The following ZFR variants were observed in gnomAD, a reference collection of about 807,000 sequenced individuals.
The protein encoded by ZFR is zinc finger RNA-binding protein.
ZFR carries 19 observed loss-of-function variants against 130.7 expected under a neutral mutation model. The observed-to-expected ratio is 0.15, with a 90% confidence interval of 0.10 to 0.21. The LOEUF is 0.21. Ranked by LOEUF, ZFR falls within the 10% of genes least tolerant of loss-of-function variation. The pLI, the probability that ZFR is intolerant of heterozygous loss-of-function variation, is 1.00. For missense variants in ZFR, 872 were observed against 1,321.5 expected, an observed-to-expected ratio of 0.66 and a Z score of 5.27; for synonymous variants, 466 against 456.9, an observed-to-expected ratio of 1.02 and a Z score of -0.25.
Position 32,417,757 on chromosome 5 carries a change from A to G in ZFR, c.456T>C (p.Ala152=). 1.2e-6 allele frequency: 2 copies of G among 1,614,026 alleles called. No homozygotes were observed. Among genetic ancestry groups the G allele is most frequent in the Non-Finnish European group, 1.7e-6 (2 of 1,179,896 alleles). ...SYSYVRSTAP[A]VAYDSKQYYQ... ...AGTATTGCTTACTATCATAAGCTAC[A>G]GCAGGAGCTGTGGACCTTACATATG... Residue 152 remains alanine, a synonymous_variant, in exon 4 of 20, where the codon GCT becomes GCC. Transcript: ENST00000265069.
At chr5:32,391,101 G>T (rs907645622) in intron 11 of ZFR, among the ~76,000 whole-genome samples, 1 of 152,158 alleles carries the variant, frequency 6.6e-6, no homozygotes, top group African/African-American at 2.4e-5. Flanking sequence ...GAAACAATTC[G>T]TAAGTTTTAA....
chr5:32,370,506 GGGACTACA>G (rs906211133), intron 17 of ZFR, among the ~76,000 whole-genome samples: 86 of 152,154 alleles, frequency 5.7e-4, no homozygotes, highest in African/African-American at 2.0e-3. Flanking sequence ...CTGAGTAGCT[GGGACTACA>G]GGTGTGCGCC....
chr5:32,397,309 C>T lies in ZFR; in HGVS notation c.1743G>A (p.Arg581=). ...EVRNDEGKVI[R]FHCKLCECSF... is the part of the protein sequence containing the mutation. ...TGCACTCGCATAATTTACAATGGAA[C>T]CGAATTACTTTTCCTTCATCATTTC... The change falls in exon 10 of 20, where the codon CGG becomes CGA. Residue 581 remains arginine (R), a synonymous_variant. Coordinates refer to ENST00000265069, the MANE Select transcript of ZFR (RefSeq NM_016107.5). 6.2e-7 allele frequency: 1 copy of T among 1,612,894 alleles called. No homozygotes were observed. Among genetic ancestry groups the T allele is most frequent in the African/African-American group, 1.3e-5 (1 of 75,006 alleles).
chr5:32,390,103 C>T (rs1347590703), intron 12 of ZFR, among the ~76,000 whole-genome samples, 172 bp downstream of exon 12: 1 of 152,048 alleles, frequency 6.6e-6, no homozygotes, highest in African/African-American at 2.4e-5. Flanking sequence ...TGCAGTGAGC[C>T]GAGATCACGC....
intron 14 of ZFR, 41 bp from the exon 15 acceptor site, chr5:32,385,690 T>C (rs374120658): frequency 5.0e-6 from 8 of 1,605,234 alleles, no homozygotes; most frequent in Admixed American, 1.7e-5. Context: ...GGATCTGTTG[T>C]ATTAACAAAC....
At chr5:32,388,785 C>G (rs1457222487) in intron 12 of ZFR, 111 bp from the exon 13 acceptor site, 1 of 1,025,226 alleles carries the variant, frequency 9.8e-7, no homozygotes, top group Non-Finnish European at 1.4e-6. Context: ...AAGCCTTTAT[C>G]TTCTTTTTTC....
chr5:32,418,038 A>C (rs923907058), intron 3 of ZFR, among the ~76,000 whole-genome samples: 1 of 152,164 alleles, frequency 6.6e-6, no homozygotes, highest in Non-Finnish European at 1.5e-5. Flanking sequence ...AGCCGGGCGG[A>C]TCATGAGGTA....
chr5:32,439,113 G>A (rs934826420), intron 2 of ZFR, among the ~76,000 whole-genome samples: 1 of 152,194 alleles, frequency 6.6e-6, no homozygotes, highest in Non-Finnish European at 1.5e-5. Flanking sequence ...TTTATCATCA[G>A]TGTAATAGCA....
Position 32,404,119 on chromosome 5 carries a change from C to T in ZFR, c.1033-22G>A, listed in dbSNP as rs965744671. ...AAGTCTGTTTCAAATAAAAAGGAAACATTTTGCTTCACTAATTTTCTTTAC... is the reference window on the plus strand; with the variant it reads ...AAGTCTGTTTCAAATAAAAAGGAAATATTTTGCTTCACTAATTTTCTTTAC... On this transcript the variant is annotated intron_variant, in intron 6 of 19. Transcript: ENST00000265069. 3.2e-6 allele frequency: 5 copies of T among 1,557,938 alleles called. No homozygotes were observed. In the African/African-American group the frequency reaches 5.5e-5, roughly 17 times the overall value.
chr5:32,395,346 A>T, intron 10 of ZFR, 42 bp from the exon 11 acceptor site: 1 of 1,398,602 alleles, frequency 7.2e-7, no homozygotes. Flanking sequence ...GCAGCCCCAA[A>T]ACAATCTACA....
intron 2 of ZFR, among the ~76,000 whole-genome samples, chr5:32,433,976 G>A (rs1286324177): frequency 2.0e-5 from 3 of 152,214 alleles, no homozygotes; most frequent in African/African-American, 7.2e-5. Flanking sequence ...GGCTGAGGAG[G>A]GAGGATCACC....
chr5:32,438,208 A>G (rs1331198884), intron 2 of ZFR, among the ~76,000 whole-genome samples: 1 of 150,618 alleles, frequency 6.6e-6, no homozygotes, highest in African/African-American at 2.4e-5. Flanking sequence ...TTAATAATCT[A>G]ATTCAATATT....
chr5:32,429,290 C>A (rs1219347822), intron 2 of ZFR, among the ~76,000 whole-genome samples: 1 of 152,156 alleles, frequency 6.6e-6, no homozygotes, highest in African/African-American at 2.4e-5. Flanking sequence ...CTGGCCTCTT[C>A]TTCCATCTTT....
chr5:32,438,857 A>G (rs925208122), intron 2 of ZFR, among the ~76,000 whole-genome samples: 2 of 152,218 alleles, frequency 1.3e-5, no homozygotes, highest in African/African-American at 4.8e-5. Context: ...GCACTAGGCT[A>G]GAAAATTTTA....
rs1197431353 is a variant in ZFR, at chr5:32,403,925, C to T, written c.1205G>A (p.Arg402His). The change falls in exon 7 of 20, where the codon CGT becomes CAT. Residue 402 changes from arginine (R) to histidine (H), a missense_variant. This residue lies in a region of ZFR where 21 missense variants were observed against 54.4 expected (regional missense o/e 0.39). Transcript: ENST00000265069. The part of the protein sequence containing the change: ...TGADAYAAHI[R>H]GAKHQKVVKL... ...ACCTACTTTCTGATGCTTAGCACCA[C>T]GAATGTGGGCAGCATACGCATCTGC... 6.3e-7 allele frequency: 1 copy of T among 1,587,666 alleles called. No individual in the cohort carries two copies. The highest frequency in any genetic ancestry group is 1.8e-5 in the Admixed American group (1 of 56,190).
chr5:32,368,363 G>A (rs1042318222), intron 17 of ZFR, among the ~76,000 whole-genome samples: 2 of 152,198 alleles, frequency 1.3e-5, no homozygotes, highest in African/African-American at 4.8e-5. Context: ...CGCCTCCCAA[G>A]TAGCTGGGAT....
chr5:32,425,919 A>G (rs980677997), intron 2 of ZFR, among the ~76,000 whole-genome samples: 1 of 152,200 alleles, frequency 6.6e-6, no homozygotes, highest in African/African-American at 2.4e-5. Context: ...CTGAAACCCA[A>G]AAGTTTGAGA....
chr5:32,431,886 T>C (rs946292412), intron 2 of ZFR, among the ~76,000 whole-genome samples: 2 of 152,084 alleles, frequency 1.3e-5, no homozygotes, highest in Non-Finnish European at 2.9e-5. Flanking sequence ...TCCCAGTAAG[T>C]GCAGTGGCAA....
chr5:32,404,335 A>ACTT (rs1167099409), intron 6 of ZFR, among the ~76,000 whole-genome samples: 1 of 152,262 alleles, frequency 6.6e-6, no homozygotes, highest in Admixed American at 6.5e-5. Flanking sequence ...TATAGCCATA[A>ACTT]TATAAGGCAA....
Sources: gnomAD v4.1 joint callset for allele counts (sites outside exome capture counted in the v4.1 genomes callset) on GRCh38, gnomAD v4.1.1 for gene constraint, gnomAD v4.1.1 regional missense constraint, MANE v1.5 for transcripts, NCBI Gene and HGNC (gene_info 2026-07-23, HGNC 2026-07-21) for gene names.